Variants in BCLAF3 observed in about 807,000 individuals in gnomAD.
BCLAF3 encodes the protein BCLAF1 and THRAP3 family member 3.
BCLAF3 carries 24 observed loss-of-function variants against 51.2 expected under a neutral mutation model. That is an observed-to-expected ratio of 0.47 (90% CI 0.34 to 0.66). The LOEUF (loss-of-function observed/expected upper bound fraction) is 0.66. Ranked by LOEUF, BCLAF3 falls within the 30% of genes least tolerant of loss-of-function variation. BCLAF3 has a pLI of 0.01. For synonymous variants in BCLAF3, 152 were observed against 176.6 expected (o/e 0.86, Z 1.10); for missense variants, 465 against 525.1 (o/e 0.89, Z 1.12).
At chrX:19,985,579 T>C (rs761540536) in intron 1 of BCLAF3, among the ~76,000 whole-genome samples, 2 of 109,593 alleles carry the variant, frequency 1.8e-5, no homozygotes, top group African/African-American at 3.3e-5. Flanking sequence ...AGTGAGACCC[T>C]GCCTCAAAAA....
chrX:19,972,787 T>C (rs1480780306), intron 1 of BCLAF3, among the ~76,000 whole-genome samples: 2 of 112,138 alleles, frequency 1.8e-5, no homozygotes, highest in African/African-American at 6.5e-5. Context: ...TTCACCTGTG[T>C]TGTAGTATGT....
At chrX:19,947,392 A>T (rs770467234) in intron 8 of BCLAF3, among the ~76,000 whole-genome samples, 1 of 112,781 alleles carries the variant, frequency 8.9e-6, no homozygotes, top group South Asian at 3.6e-4. Context: ...GAAACTTAGT[A>T]ACTCCAGTTA....
At chrX:19,937,141 C>CTA (rs1419945210) in intron 9 of BCLAF3, among the ~76,000 whole-genome samples, 1 of 111,221 alleles carries the variant, frequency 9.0e-6, no homozygotes, top group Non-Finnish European at 1.9e-5. Context: ...TCCCAAAGTG[C>CTA]TAGGATTACA....
chrX:19,959,720 G>C (rs1012430529), intron 4 of BCLAF3, among the ~76,000 whole-genome samples: 12 of 111,032 alleles, frequency 1.1e-4, no homozygotes, highest in African/African-American at 3.9e-4. Flanking sequence ...CAAGGCTGCA[G>C]TGAGCCGTGA....
intron 10 of BCLAF3, among the ~76,000 whole-genome samples, chrX:19,933,339 A>T (rs909515313): frequency 5.3e-5 from 6 of 112,249 alleles, no homozygotes; most frequent in Non-Finnish European, 7.5e-5. Context: ...ATTCTTTTTG[A>T]AATTTAGTGT....
At chrX:19,960,742 T>C in intron 4 of BCLAF3, among the ~76,000 whole-genome samples, 1 of 111,566 alleles carries the variant, frequency 9.0e-6, no homozygotes, top group Non-Finnish European at 1.9e-5. Flanking sequence ...GCCTGCGTGA[T>C]ACCCATTTCC....
intron 11 of BCLAF3, among the ~76,000 whole-genome samples, chrX:19,917,693 A>G (rs1020517782): frequency 1.8e-5 from 2 of 111,914 alleles, no homozygotes; most frequent in African/African-American, 6.5e-5. Flanking sequence ...GACACTACAC[A>G]CGCACACCTC....
At chrX:19,947,500 A>G (rs896404674) in intron 8 of BCLAF3, among the ~76,000 whole-genome samples, 1 of 111,308 alleles carries the variant, frequency 9.0e-6, no homozygotes, top group Non-Finnish European at 1.9e-5. Context: ...CCAACTTACA[A>G]TGGTTTAACT....
intron 1 of BCLAF3, among the ~76,000 whole-genome samples, chrX:19,977,824 G>A (rs188338310): frequency 9.0e-6 from 1 of 111,461 alleles, no homozygotes; most frequent in East Asian, 2.8e-4. Flanking sequence ...TCTTGTTAGG[G>A]GCTAATGCAG....
chrX:19,968,969 C>T (rs936674678), intron 2 of BCLAF3, among the ~76,000 whole-genome samples: 3 of 111,151 alleles, frequency 2.7e-5, no homozygotes, highest in Non-Finnish European at 3.8e-5. Context: ...AAAAATTAGC[C>T]GGGCGTGGTG....
intron 11 of BCLAF3, among the ~76,000 whole-genome samples, chrX:19,925,816 A>C (rs2070338401): frequency 8.9e-6 from 1 of 112,132 alleles, no homozygotes; most frequent in African/African-American, 3.2e-5. Context: ...ATCAGTTTAT[A>C]CACATGGAAT....
intron 1 of BCLAF3, among the ~76,000 whole-genome samples, chrX:19,980,467 A>G (rs1465724585): frequency 1.8e-5 from 2 of 112,332 alleles, no homozygotes; most frequent in Non-Finnish European, 3.8e-5. Context: ...TTACAAGGGT[A>G]TAGGGAATTC....
rs755346547 is a variant in BCLAF3 at position 19,965,612 on chromosome X, G to A, written c.706C>T (p.Pro236Ser). 1 of 1,173,672 alleles carries A rather than the reference G, an allele frequency of 8.5e-7. No individual in the cohort carries two copies. The highest frequency in any genetic ancestry group is 1.1e-6 in the Non-Finnish European group (1 of 879,691). ...AGGGAATGCTCAGGCTTCCACTTTG[G>A]GTTCCTGGCAGGCTCTCTGCTTTCA... ...RYESREPARN[P>S]KWKPEHSLPP... Residue 236 changes from proline (P) to serine (S), a missense_variant, in exon 4 of 12, where the codon CCA becomes TCA. Pro to Ser is a moderately conservative substitution (Grantham distance 74). Coordinates refer to ENST00000379682, the MANE Select transcript of BCLAF3 (RefSeq NM_001367774.2).
intron 2 of BCLAF3, among the ~76,000 whole-genome samples, chrX:19,967,924 A>G (rs2072115245): frequency 8.9e-6 from 1 of 111,959 alleles, no homozygotes; most frequent in African/African-American, 3.2e-5. Flanking sequence ...AGTGTTATTT[A>G]GCTAAAGCAG....
chrX:19,936,018 G>C (rs2070743193), intron 9 of BCLAF3, 120 bp from the exon 10 acceptor site: 2 of 577,905 alleles, frequency 3.5e-6, no homozygotes, highest in East Asian at 6.8e-5. Context: ...GCAGGGAGCA[G>C]GGAGCTTAGC....
chrX:19,935,630 C>A, intron 10 of BCLAF3, 179 bp downstream of exon 10: 2 of 409,375 alleles, frequency 4.9e-6, no homozygotes, highest in South Asian at 5.1e-5. Context: ...AAATCAAGTC[C>A]TAAGGAAAGG....
chrX:19,981,755 G>A (rs1173986964), intron 1 of BCLAF3, among the ~76,000 whole-genome samples: 1 of 111,821 alleles, frequency 8.9e-6, no homozygotes, highest in Admixed American at 9.6e-5. Context: ...CATGCTAAGC[G>A]AAAGAAGCCA....
intron 1 of BCLAF3, among the ~76,000 whole-genome samples, chrX:19,978,759 AT>A (rs57157445): frequency 0.053 from 5,569 of 104,747 alleles, 155 homozygotes; most frequent in Non-Finnish European, 0.081. Context: ...TCTCTTATTT[AT>A]TTTTTTTTTG....
At position 19,965,449 on chromosome X, in the gene BCLAF3, T is replaced by C; in HGVS notation, c.869A>G (p.Asp290Gly). Residue 290 changes from aspartate (D) to glycine (G), a missense_variant, in exon 4 of 12, where the codon GAT becomes GGT. By Grantham distance (94) the Asp-to-Gly change is moderately conservative. Transcript: ENST00000379682. ...CCCATCAGAAAAGTCCTGGTCCCCA[T>C]CCAAGAGCTTAGGACGTTTGTGACG... The part of the protein sequence containing the change: ...DYRHKRPKLL[D>G]GDQDFSDGRT... 1 of 1,211,896 alleles carries C rather than the reference T, an allele frequency of 8.3e-7. No individual in the cohort carries two copies. Among genetic ancestry groups the C allele is most frequent in the Non-Finnish European group, 1.1e-6 (1 of 895,551 alleles).
Sources: allele counts gnomAD v4.1 joint callset (sites outside exome capture counted in the v4.1 genomes callset), GRCh38; gene constraint gnomAD v4.1.1; transcripts MANE v1.5; gene names NCBI Gene and HGNC (gene_info 2026-07-23, HGNC 2026-07-21).